Variants in ERMARD observed in about 807,000 individuals in gnomAD.
The protein encoded by ERMARD is ER membrane associated RNA degradation, also known as endoplasmic reticulum membrane-associated RNA degradation protein.
Under a neutral mutation model 83.9 loss-of-function variants are expected in ERMARD, and 71 were observed. The observed-to-expected ratio is 0.85, with a 90% CI of 0.70 to 1.03. The LOEUF (loss-of-function observed/expected upper bound fraction) is 1.03. Among genes scored for constraint, ERMARD ranks in the 50% least tolerant of loss-of-function variants. The pLI is 0.00. For missense variants in ERMARD, 838 were observed against 810.9 expected (o/e 1.03, Z -0.41); for synonymous variants, 284 against 298.6 (o/e 0.95, Z 0.50).
chr6:169,760,657 T>G lies in ERMARD; in HGVS notation c.758T>G (p.Val253Gly). 1 of 1,605,550 alleles carries G rather than the reference T, an allele frequency of 6.2e-7. No individual in the cohort carries two copies. The highest frequency in any genetic ancestry group is 8.5e-7 in the Non-Finnish European group (1 of 1,172,682). ...LIVFPDVTYE[V>G]LSVLEEVMMK... ...TATTTTACAGATGTTACTTATGAGGTGCTTTCAGTATTAGAAGAAGTGATG... is the reference window on the plus strand; with the variant it reads ...TATTTTACAGATGTTACTTATGAGGGGCTTTCAGTATTAGAAGAAGTGATG... The change falls in exon 8 of 18, where the codon GTG becomes GGG. Residue 253 changes from valine (V) to glycine (G), a missense_variant. Physicochemically the swap from Val to Gly is moderately radical, Grantham distance 109. Transcript: ENST00000366773.
At chr6:169,768,397 C>G (rs1203913926) in intron 11 of ERMARD, among the ~76,000 whole-genome samples, 1 of 152,186 alleles carries the variant, frequency 6.6e-6, no homozygotes, top group Non-Finnish European at 1.5e-5. Context: ...TGTCCCTAAG[C>G]AAAATTTGTA....
At chr6:169,769,394 G>T in intron 11 of ERMARD, 146 bp from the exon 12 acceptor site, 1 of 653,420 alleles carries the variant, frequency 1.5e-6, no homozygotes, top group South Asian at 2.9e-5. Context: ...TCCTGTGGGT[G>T]TAGGAGAAGA....
rs201070571 is a variant in ERMARD, at chr6:169,760,625, C to G, written c.743-17C>G. The stretch of plus-strand genomic sequence containing the variant: ...TGATCAGTATGATTGTGTTTAAAAC[C>G]GTGTGTTATTTTACAGATGTTACTT... On this transcript the variant is annotated splice_polypyrimidine_tract_variant and intron_variant, in intron 7 of 17. Coordinates refer to ENST00000366773, the MANE Select transcript of ERMARD (RefSeq NM_018341.3). 1.4e-5 allele frequency: 21 copies of G among 1,516,888 alleles called. No homozygotes were observed. In the East Asian group the frequency reaches 4.5e-4, roughly 33 times the overall value. The allele number at this position is 1,516,888 out of a possible 1,614,324, so 94.0% of individuals were successfully genotyped here.
intron 2 of ERMARD, among the ~76,000 whole-genome samples, chr6:169,755,050 C>CT (rs761900750): frequency 6.6e-6 from 1 of 152,024 alleles, no homozygotes. Flanking sequence ...TTGTTTGAAA[C>CT]TTTTTGTATT....
At chr6:169,779,124 T>G in intron 16 of ERMARD, 58 bp from the exon 17 acceptor site, 2 of 1,410,294 alleles carry the variant, frequency 1.4e-6, no homozygotes, top group Admixed American at 3.4e-5. Context: ...TTTTTCCTGA[T>G]GAAGGTGGAA....
intron 11 of ERMARD, among the ~76,000 whole-genome samples, chr6:169,769,233 T>C (rs1792590448): frequency 6.6e-6 from 1 of 152,212 alleles, no homozygotes; most frequent in African/African-American, 2.4e-5. Context: ...GTGATTTCTT[T>C]TATTGCCTTG....
At position 169,751,622 on chromosome 6, in the gene ERMARD, G is replaced by C; in HGVS notation, c.-36G>C. ...GGAGGAGGGGCGCGCAGGCGCCTGC[G>C]TCATTCACGCGCGCCGCAGCGGGGC... On this transcript the variant is annotated 5_prime_UTR_variant, in exon 1 of 18. Transcript: ENST00000366773. The C allele has an allele frequency of 6.3e-7, 1 of 1,578,832 alleles. No homozygotes were observed. The highest frequency in any genetic ancestry group is 2.3e-5 in the East Asian group (1 of 42,936).
intron 9 of ERMARD, among the ~76,000 whole-genome samples, chr6:169,764,388 C>T (rs1038966186): frequency 1.3e-5 from 2 of 151,946 alleles, no homozygotes; most frequent in African/African-American, 2.4e-5. Flanking sequence ...CTCCGCCCCC[C>T]GAGTAACTGG....
In ERMARD at chr6:169,762,424, C is replaced by T; in HGVS notation, c.858-5C>T. ...GTTTTACCTCTTTTCCCTTCAATTT[C>T]ATAGGTTTGCTGACTGCGCCATATT... On this transcript the variant is annotated splice_polypyrimidine_tract_variant and splice_region_variant and intron_variant, in intron 8 of 17. Coordinates refer to ENST00000366773, the MANE Select transcript of ERMARD (RefSeq NM_018341.3). The T allele has an allele frequency of 6.2e-7, 1 of 1,610,872 alleles. No homozygotes were observed. The highest frequency in any genetic ancestry group is 2.2e-5 in the East Asian group (1 of 44,840).
At chr6:169,762,689 AT>A (rs1791705269) in intron 9 of ERMARD, among the ~76,000 whole-genome samples, 158 bp downstream of exon 9, 1 of 152,234 alleles carries the variant, frequency 6.6e-6, no homozygotes, top group African/African-American at 2.4e-5. Context: ...TAGGATTTAT[AT>A]TTATGTTATT....
intron 9 of ERMARD, among the ~76,000 whole-genome samples, chr6:169,763,610 C>T (rs989902942): frequency 2.6e-5 from 4 of 152,240 alleles, no homozygotes; most frequent in Non-Finnish European, 4.4e-5. Context: ...CTCGGATTCT[C>T]GTCTCTTTCT....
chr6:169,755,329 G>T lies in ERMARD; in HGVS notation c.222G>T (p.Val74=). The change falls in exon 3 of 18, where the codon GTG becomes GTT. Residue 74 remains valine, a synonymous_variant. Transcript: ENST00000366773. ...GAAGCGTGAGGCTGCTGGGCCCTGTGTGTGAGGCTGTCCATTCACATTTCT... is the reference window on the plus strand; with the variant it reads ...GAAGCGTGAGGCTGCTGGGCCCTGTTTGTGAGGCTGTCCATTCACATTTCT... ...YWGSVRLLGP[V]CEAVHSHFLS... is the part of the protein sequence containing the mutation. 1 of 1,614,176 alleles carries T rather than the reference G, an allele frequency of 6.2e-7. No individual in the cohort carries two copies. Among genetic ancestry groups the T allele is most frequent in the Non-Finnish European group, 8.5e-7 (1 of 1,180,042 alleles).
intron 10 of ERMARD, 104 bp downstream of exon 10, chr6:169,766,771 C>A: frequency 3.2e-6 from 4 of 1,246,222 alleles, no homozygotes; most frequent in East Asian, 2.7e-5. Context: ...AAATCATATA[C>A]TTACAGGAAA....
intron 8 of ERMARD, among the ~76,000 whole-genome samples, 168 bp downstream of exon 8, chr6:169,760,924 G>A (rs751717424): frequency 3.3e-5 from 5 of 150,866 alleles, no homozygotes; most frequent in East Asian, 2.0e-4. Flanking sequence ...TTCAAGGACC[G>A]CCTGTGATTA....
In ERMARD at chr6:169,762,207, T is replaced by G. The variant is rs4546491; in HGVS notation, c.858-222T>G. Among the ~76,000 whole-genome samples, 29,452 of 152,120 alleles carry G rather than the reference T, an allele frequency of 0.19. 3,580 individuals carry two copies. The highest frequency in any genetic ancestry group is 0.35 in the African/African-American group (14,617 of 41,458). On this transcript the variant is annotated intron_variant, in intron 8 of 17. Coordinates refer to ENST00000366773, the MANE Select transcript of ERMARD (RefSeq NM_018341.3). ...TTCAAGCAATCCTCCCGCCTCAGCC[T>G]CCTGTGTAGCTAGGACTACAGGCAG...
In ERMARD at chr6:169,769,610, T is replaced by C; in HGVS notation, c.1130T>C (p.Ile377Thr). 1 of 1,613,472 alleles carries C rather than the reference T, an allele frequency of 6.2e-7. No homozygotes were observed. The highest frequency in any genetic ancestry group is 8.5e-7 in the Non-Finnish European group (1 of 1,179,748). ...AGAGATCATTTAAGCCACGGGGAGA[T>C]CAACTTACATGAATTTTCAAAAGAA... ...RIRDHLSHGE[I>T]NLHEFSKETT... Residue 377 changes from isoleucine (I) to threonine (T), a missense_variant, in exon 12 of 18, where the codon ATC becomes ACC. Physicochemically the swap from Ile to Thr is moderately conservative, Grantham distance 89. Coordinates refer to ENST00000366773, the MANE Select transcript of ERMARD (RefSeq NM_018341.3).
intron 10 of ERMARD, chr6:169,767,147 T>A (rs770843877): frequency 1.3e-5 from 2 of 152,956 alleles, no homozygotes; most frequent in African/African-American, 4.8e-5. Flanking sequence ...GCACCTAAAG[T>A]GTGACGACAG....
chr6:169,755,956 T>C (rs1460078689), intron 3 of ERMARD, among the ~76,000 whole-genome samples: 1 of 152,120 alleles, frequency 6.6e-6, no homozygotes, highest in African/African-American at 2.4e-5. Context: ...GAATTTGGAG[T>C]GAAGGAATCA....
At chr6:169,751,720 G>C in intron 1 of ERMARD, 57 bp downstream of exon 1, 1 of 1,510,754 alleles carries the variant, frequency 6.6e-7, no homozygotes, top group Non-Finnish European at 8.9e-7. Context: ...TCGGCGCCAG[G>C]CTGGGTGGTG....
Sources: gnomAD v4.1 joint callset for allele counts (sites outside exome capture counted in the v4.1 genomes callset) on GRCh38, gnomAD v4.1.1 for gene constraint, MANE v1.5 for transcripts, NCBI Gene and HGNC (gene_info 2026-07-23, HGNC 2026-07-21) for gene names.